TMEFF2: variants seen among roughly 807,000 people sequenced by gnomAD.
The protein encoded by TMEFF2 is transmembrane protein with EGF like and two follistatin like domains 2, also known as tomoregulin-2.
TMEFF2 carries 28 observed loss-of-function variants against 53.8 expected under a neutral mutation model. The observed-to-expected ratio is 0.52, with a 90% CI of 0.39 to 0.71. The LOEUF is 0.71. Among genes scored for constraint, TMEFF2 ranks in the 30% least tolerant of loss-of-function variants. The probability of loss-of-function intolerance (pLI) is 0.00; values close to 1 mark genes in which losing one functional copy is unlikely to be tolerated. For missense variants in TMEFF2, 353 were observed against 455.2 expected (o/e 0.78, Z 2.04); for synonymous variants, 162 against 166.3 (o/e 0.97, Z 0.20).
intron 7 of TMEFF2, among the ~76,000 whole-genome samples, chr2:191,984,064 GTTAA>G (rs1285180629): frequency 2.6e-5 from 4 of 152,026 alleles, no homozygotes; most frequent in Non-Finnish European, 5.9e-5. Context: ...AAAATATTAT[GTTAA>G]TTAAAGGTAA....
intron 7 of TMEFF2, among the ~76,000 whole-genome samples, chr2:191,996,679 AC>A (rs146835514): frequency 0.015 from 2,228 of 152,068 alleles, 60 homozygotes; most frequent in African/African-American, 0.05. Flanking sequence ...AAAGCTGTGT[AC>A]TATAAGGAAC....
At chr2:191,984,736 G>GA (rs1211543887) in intron 7 of TMEFF2, among the ~76,000 whole-genome samples, 2 of 151,926 alleles carry the variant, frequency 1.3e-5, no homozygotes, top group African/African-American at 2.4e-5. Context: ...TAGGGGAGGG[G>GA]AAAAAAACTC....
chr2:192,191,975 C>T lies in TMEFF2; in HGVS notation c.187G>A (p.Glu63Lys). ...GWNCSGYDDR[E>K]NDLFLCDTNT... ...GTGTCACAGAGGAAGAGATCATTTT[C>T]TCTGTCATCATAACCTCAAATTCAA... Residue 63 changes from glutamate (E) to lysine (K), a missense_variant, in exon 2 of 10, where the codon GAA becomes AAA. Transcript: ENST00000272771. 6.2e-7 allele frequency: 1 copy of T among 1,611,716 alleles called. No homozygotes were observed.
chr2:192,130,213 A>T (rs1296852725), intron 4 of TMEFF2, among the ~76,000 whole-genome samples: 1 of 146,306 alleles, frequency 6.8e-6, no homozygotes, highest in African/African-American at 2.7e-5. Context: ...TAAAGAAAAA[A>T]ATAAAAGTAA....
chr2:192,160,789 G>C (rs1690614534), intron 4 of TMEFF2, among the ~76,000 whole-genome samples: 1 of 152,132 alleles, frequency 6.6e-6, no homozygotes. Context: ...CAGAGAAAAA[G>C]GCATTTGCAG....
At chr2:192,062,682 G>A (rs1688072547) in intron 4 of TMEFF2, among the ~76,000 whole-genome samples, 1 of 152,142 alleles carries the variant, frequency 6.6e-6, no homozygotes, top group Non-Finnish European at 1.5e-5. Context: ...TTTGTTGACA[G>A]TGCTAACCTT....
intron 5 of TMEFF2, among the ~76,000 whole-genome samples, chr2:192,033,543 AC>A (rs1687198680): frequency 6.7e-5 from 9 of 134,290 alleles, no homozygotes; most frequent in African/African-American, 2.5e-4. Context: ...TTTTTTTTAC[AC>A]AAAACCTGTG....
chr2:192,184,226 C>T, intron 3 of TMEFF2, 128 bp downstream of exon 3: 1 of 1,232,606 alleles, frequency 8.1e-7, no homozygotes, highest in East Asian at 2.4e-5. Context: ...ATGTTTTGAA[C>T]AAAACAATAC....
In TMEFF2 at chr2:192,013,546, G is replaced by A. The variant is rs540214806; in HGVS notation, c.537-14338C>T. Among the ~76,000 whole-genome samples the A allele has an allele frequency of 2.8e-4, 42 of 151,954 alleles. No homozygotes were observed. In the South Asian group the frequency reaches 8.1e-3, roughly 29 times the overall value. On this transcript the variant is annotated intron_variant, in intron 5 of 9. Transcript: ENST00000272771. ...CTGCACTGTAACCTCCGCCTCCTGG[G>A]TTCAAGCGATTCTCATGCCTCAGCC...
intron 4 of TMEFF2, among the ~76,000 whole-genome samples, chr2:192,133,125 C>T (rs915041070): frequency 6.6e-6 from 1 of 152,072 alleles, no homozygotes; most frequent in African/African-American, 2.4e-5. Context: ...AGACAATACT[C>T]TTTTAAGCAC....
intron 4 of TMEFF2, among the ~76,000 whole-genome samples, chr2:192,134,702 A>G (rs562523424): frequency 4.5e-4 from 68 of 152,264 alleles, no homozygotes; most frequent in Middle Eastern, 3.4e-3. Flanking sequence ...TCTTAGTCTA[A>G]GTAGACACTT....
intron 3 of TMEFF2, 25 bp downstream of exon 3, chr2:192,184,329 G>A (rs755602240): frequency 2.5e-6 from 4 of 1,611,360 alleles, no homozygotes; most frequent in Middle Eastern, 1.7e-4. Flanking sequence ...CATGCAGAAG[G>A]TTTCAAAGAA....
At chr2:192,076,158 TAA>T (rs1034388760) in intron 4 of TMEFF2, among the ~76,000 whole-genome samples, 7 of 152,122 alleles carry the variant, frequency 4.6e-5, no homozygotes, top group African/African-American at 1.7e-4. Context: ...TTGTCAGAGA[TAA>T]AAGTCTTTTT....
chr2:192,168,561 T>C (rs1225128592), intron 4 of TMEFF2, among the ~76,000 whole-genome samples: 1 of 152,136 alleles, frequency 6.6e-6, no homozygotes, highest in African/African-American at 2.4e-5. Flanking sequence ...ATGAGGTAGA[T>C]CACAAGTTCA....
intron 4 of TMEFF2, among the ~76,000 whole-genome samples, chr2:192,072,586 G>GAATAC (rs1688316912): frequency 2.8e-3 from 2 of 726 alleles, no homozygotes; most frequent in Non-Finnish European, 0.028. Context: ...TAGATAAAAT[G>GAATAC]AAGTTTTTTT....
At chr2:191,957,577 T>TA (rs1397900031) in intron 7 of TMEFF2, among the ~76,000 whole-genome samples, 1 of 152,204 alleles carries the variant, frequency 6.6e-6, no homozygotes, top group Non-Finnish European at 1.5e-5. Context: ...TATTTATGAT[T>TA]AAACAGAGCT....
chr2:191,969,776 C>T lies in TMEFF2; in HGVS notation c.746-13398G>A, dbSNP rs577515468. ...TCATTGAAAGAGCCAGAAGGCATACCATCTCTTCTCATAGTCAGGAATAAG... is the reference window on the plus strand; with the variant it reads ...TCATTGAAAGAGCCAGAAGGCATACTATCTCTTCTCATAGTCAGGAATAAG... On this transcript the variant is annotated intron_variant, in intron 7 of 9. Transcript: ENST00000272771. 6.6e-5 allele frequency among the ~76,000 whole-genome samples: 10 copies of T among 152,054 alleles called. No homozygotes were observed. In the South Asian group the frequency reaches 2.1e-3, roughly 32 times the overall value.
chr2:192,155,333 T>C (rs1049013570), intron 4 of TMEFF2, among the ~76,000 whole-genome samples: 2 of 152,024 alleles, frequency 1.3e-5, no homozygotes, highest in Non-Finnish European at 2.9e-5. Context: ...TCAGGAACTA[T>C]GTCTATCTGG....
intron 5 of TMEFF2, among the ~76,000 whole-genome samples, chr2:192,005,991 G>C (rs1160109151): frequency 1.3e-5 from 2 of 151,660 alleles, no homozygotes; most frequent in Admixed American, 6.6e-5. Context: ...TGTATTCAAA[G>C]GGTAGAAAAG....
Sources: gnomAD v4.1 joint callset for allele counts (sites outside exome capture counted in the v4.1 genomes callset) on GRCh38, gnomAD v4.1.1 for gene constraint, MANE v1.5 for transcripts, NCBI Gene and HGNC (gene_info 2026-07-23, HGNC 2026-07-21) for gene names.